Variants in DPH6 observed in about 807,000 individuals in gnomAD.
DPH6 encodes the protein diphthine--ammonia ligase.
In DPH6, 33 loss-of-function variants were observed where a neutral mutation model predicts 38.2. The observed-to-expected ratio is 0.86, with a 90% CI of 0.65 to 1.15. DPH6 has a LOEUF of 1.15. Ranked by LOEUF, DPH6 falls within the 50% of genes most tolerant of loss-of-function variation. The pLI, the probability that DPH6 is intolerant of heterozygous loss-of-function variation, is 0.00. For missense variants in DPH6, 325 were observed against 320.0 expected (o/e 1.02, Z -0.12); for synonymous variants, 108 against 103.0 (o/e 1.05, Z -0.30).
At chr15:35,378,374 T>C (rs776378446) in intron 7 of DPH6, among the ~76,000 whole-genome samples, 20 of 152,192 alleles carry the variant, frequency 1.3e-4, no homozygotes, top group Non-Finnish European at 2.4e-4. Flanking sequence ...TTTACACTGT[T>C]GGTGGGAGTG....
the DPH6 span, among the ~76,000 whole-genome samples, chr15:35,192,760 C>T: frequency 2.2e-4 from 34 of 152,120 alleles, 1 homozygote; most frequent in Non-Finnish European, 2.9e-5. Flanking sequence ...TTTATAGTAA[C>T]ACCATACAAT....
intron 3 of DPH6, among the ~76,000 whole-genome samples, chr15:35,255,989 C>T (rs72625178): frequency 0.035 from 5,373 of 151,836 alleles, 376 homozygotes; most frequent in East Asian, 0.34. Flanking sequence ...ATATAATATA[C>T]ATATTTGTTT....
chr15:35,383,448 T>C (rs1391763490), intron 6 of DPH6, among the ~76,000 whole-genome samples: 1 of 152,248 alleles, frequency 6.6e-6, no homozygotes, highest in Non-Finnish European at 1.5e-5. Context: ...CAGGCCTTGC[T>C]AGATGATGAA....
At chr15:35,520,749 A>C (rs534615733) in intron 3 of DPH6, 1 of 984,868 alleles carries the variant, frequency 1.0e-6, no homozygotes, top group East Asian at 1.1e-4. Flanking sequence ...ACCAAGTAGA[A>C]TATGTACAAT....
At chr15:35,503,377 C>T (rs559193574) in intron 3 of DPH6, among the ~76,000 whole-genome samples, 1 of 152,136 alleles carries the variant, frequency 6.6e-6, no homozygotes, top group African/African-American at 2.4e-5. Flanking sequence ...AGTTTGACAA[C>T]CCTCAGTCCC....
At chr15:35,166,902 G>A in the DPH6 span, among the ~76,000 whole-genome samples, 1 of 151,944 alleles carries the variant, frequency 6.6e-6, no homozygotes, top group East Asian at 1.9e-4. Flanking sequence ...GCAGGGAAAA[G>A]GAGCTTAAGA....
chr15:35,498,276 A>G (rs749011476), intron 3 of DPH6, among the ~76,000 whole-genome samples: 4 of 152,172 alleles, frequency 2.6e-5, no homozygotes, highest in African/African-American at 9.7e-5. Context: ...CAACAACAGT[A>G]TAATATTTCA....
intron 5 of DPH6, among the ~76,000 whole-genome samples, chr15:35,424,273 A>T (rs918635327): frequency 1.3e-5 from 2 of 151,610 alleles, no homozygotes; most frequent in Non-Finnish European, 1.5e-5. Flanking sequence ...CAAGACTTTC[A>T]CTTCTTGGTT....
In DPH6 at chr15:35,410,869, T is replaced by C. The variant is rs1415279658; in HGVS notation, c.533A>G (p.Lys178Arg). 2 of 1,604,940 alleles carry C rather than the reference T, an allele frequency of 1.2e-6. No homozygotes were observed. Among genetic ancestry groups the C allele is most frequent in the African/African-American group, 2.7e-5 (2 of 74,276 alleles). The change falls in exon 6 of 9, where the codon AAA becomes AGA. Residue 178 changes from lysine to arginine, a missense_variant. Lys to Arg is a conservative substitution (Grantham distance 26, BLOSUM62 2). Coordinates refer to ENST00000256538, the MANE Select transcript of DPH6 (RefSeq NM_080650.4). ...ATAAGGCTCCATTTGATCCAGGGTT[T>C]TCCCAAGATGCTTATCAGGATCTAA... ...LGLDPDKHLG[K>R]TLDQMEPYLI...
chr15:35,405,320 CAT>C (rs1427201610), intron 6 of DPH6, among the ~76,000 whole-genome samples: 5 of 151,954 alleles, frequency 3.3e-5, no homozygotes, highest in African/African-American at 7.2e-5. Flanking sequence ...ATTTTAATAA[CAT>C]TGATTCTTCC....
intron 5 of DPH6, among the ~76,000 whole-genome samples, chr15:35,430,961 A>C (rs2053625635): frequency 6.6e-6 from 1 of 152,172 alleles, no homozygotes; most frequent in Admixed American, 6.5e-5. Flanking sequence ...CCTGTCAAAA[A>C]CAAAAACAAA....
At chr15:35,511,600 C>T (rs962436969) in intron 3 of DPH6, among the ~76,000 whole-genome samples, 1 of 151,988 alleles carries the variant, frequency 6.6e-6, no homozygotes, top group African/African-American at 2.4e-5. Context: ...CAGCGATACT[C>T]CTCTCAACAA....
chr15:35,393,153 A>G (rs2053082350), intron 6 of DPH6, among the ~76,000 whole-genome samples: 1 of 152,208 alleles, frequency 6.6e-6, no homozygotes. Flanking sequence ...CCTGGATGTA[A>G]GTCTAGAAGC....
chr15:35,351,618 A>G (rs2052511756), intron 3 of DPH6, among the ~76,000 whole-genome samples: 1 of 152,106 alleles, frequency 6.6e-6, no homozygotes, highest in South Asian at 2.1e-4. Flanking sequence ...TTATGGTTAC[A>G]TCAGTCTGTT....
chr15:35,525,053 T>C (rs2054978475), intron 3 of DPH6, among the ~76,000 whole-genome samples: 1 of 152,142 alleles, frequency 6.6e-6, no homozygotes, highest in Non-Finnish European at 1.5e-5. Context: ...TGAAGAGTAT[T>C]CAAATTTGAA....
chr15:35,483,655 CA>C (rs963912667), intron 3 of DPH6, among the ~76,000 whole-genome samples: 1 of 152,112 alleles, frequency 6.6e-6, no homozygotes, highest in Non-Finnish European at 1.5e-5. Context: ...TTTGAAAGTA[CA>C]AATTTAACAT....
At chr15:35,282,989 T>TATC (rs1213664090) in intron 3 of DPH6, 28 of 240,560 alleles carry the variant, frequency 1.2e-4, no homozygotes, top group African/African-American at 6.8e-4. Context: ...ATCTCCTGAA[T>TATC]ATCATCATCA....
chr15:35,454,604 C>G (rs2053973319), intron 4 of DPH6, 143 bp downstream of exon 4: 1 of 595,220 alleles, frequency 1.7e-6, no homozygotes, highest in East Asian at 3.4e-5. Flanking sequence ...ACTTTTGTTA[C>G]TTAGGTAAAT....
chr15:35,337,052 T>G (rs2140871672), intron 3 of DPH6, among the ~76,000 whole-genome samples: 1 of 152,282 alleles, frequency 6.6e-6, no homozygotes, highest in East Asian at 1.9e-4. Flanking sequence ...TCTGGCAGAA[T>G]TCGGCTGTGA....
Sources: gnomAD v4.1 joint callset for allele counts (sites outside exome capture counted in the v4.1 genomes callset) on GRCh38, gnomAD v4.1.1 for gene constraint, MANE v1.5 for transcripts, NCBI Gene and HGNC (gene_info 2026-07-23, HGNC 2026-07-21) for gene names.